The following AKAP9 variants were observed in gnomAD, a reference collection of about 807,000 sequenced individuals.
The protein encoded by AKAP9 is A-kinase anchor protein 9.
In AKAP9, 311 loss-of-function variants were observed where a neutral mutation model predicts 488.5. The observed-to-expected ratio is 0.64, with a 90% confidence interval of 0.58 to 0.70. The LOEUF (loss-of-function observed/expected upper bound fraction) is 0.70, where lower values mean the gene tolerates loss of function less well. Ranked by LOEUF, AKAP9 falls within the 30% of genes least tolerant of loss-of-function variation. The probability of loss-of-function intolerance (pLI) is 0.00; values close to 1 mark genes in which losing one functional copy is unlikely to be tolerated. For synonymous variants in AKAP9, 1,462 were observed against 1,483.5 expected, an observed-to-expected ratio of 0.99 and a Z score of 0.33; for missense variants, 4,215 against 4,374.5, an observed-to-expected ratio of 0.96 and a Z score of 1.03.
At chr7:92,052,247 C>A (rs1457793214) in intron 21 of AKAP9, among the ~76,000 whole-genome samples, 1 of 151,094 alleles carries the variant, frequency 6.6e-6, no homozygotes, top group African/African-American at 2.5e-5. Flanking sequence ...CAGTCTGCTC[C>A]CGAAAAATCC....
At chr7:92,101,452 A>ATGTAGATAGTATT (rs1817514743) in intron 45 of AKAP9, among the ~76,000 whole-genome samples, 1 of 145,140 alleles carries the variant, frequency 6.9e-6, no homozygotes, top group Non-Finnish European at 1.5e-5. Context: ...AAAAAAAAAA[A>ATGTAGATAGTATT]TGTAGATAGT....
intron 28 of AKAP9, among the ~76,000 whole-genome samples, chr7:92,073,152 G>A (rs774138318): frequency 6.6e-6 from 1 of 152,024 alleles, no homozygotes; most frequent in Non-Finnish European, 1.5e-5. Flanking sequence ...GGAATCTACT[G>A]TGTAATTAAG....
chr7:91,950,008 G>A (rs1425829656), intron 1 of AKAP9, among the ~76,000 whole-genome samples: 1 of 151,978 alleles, frequency 6.6e-6, no homozygotes, highest in Non-Finnish European at 1.5e-5. Context: ...TTGTTTTGAT[G>A]ATTCAGAACT....
chr7:92,003,129 T>C lies in AKAP9; in HGVS notation c.3212T>C (p.Ile1071Thr). The change falls in exon 8 of 50, where the codon ATT becomes ACT. Residue 1071 changes from isoleucine (I) to threonine (T), a missense_variant. Ile to Thr is a moderately conservative substitution (Grantham distance 89). Coordinates refer to ENST00000356239, the MANE Select transcript of AKAP9 (RefSeq NM_005751.5). ...VGEESKQEQL[I>T]LDHLPSVTKE... is the part of the protein sequence containing the mutation. ...GAAGAAAGTAAGCAAGAACAGTTGA[T>C]TTTGGATCACTTACCATCTGTAACA... The C allele has an allele frequency of 1.2e-6, 2 of 1,611,250 alleles. No homozygotes were observed. Among genetic ancestry groups the C allele is most frequent in the South Asian group, 2.2e-5 (2 of 90,614 alleles).
Position 92,095,045 on chromosome 7 carries a change from G to A in AKAP9, c.9601G>A (p.Asp3201Asn). The A allele has an allele frequency of 6.2e-7, 1 of 1,614,092 alleles. No individual in the cohort carries two copies. The highest frequency in any genetic ancestry group is 8.5e-7 in the Non-Finnish European group (1 of 1,179,956). ...AFRLEVKDKT[D>N]EVHLLNDTLA... Reference sequence around the variant, plus strand: ...TAGGTTGGAAGTTAAAGATAAGACAGATGAAGTACATTTGCTTAATGACAC... The same window carrying A: ...TAGGTTGGAAGTTAAAGATAAGACAAATGAAGTACATTTGCTTAATGACAC... The change falls in exon 40 of 50, where the codon GAT becomes AAT. Residue 3201 changes from aspartate (D) to asparagine (N), a missense_variant. Around this residue, in one of 5 missense-constraint regions of AKAP9, gnomAD observed 1,476 missense variants for 1,477.4 expected, o/e 1.00. Transcript: ENST00000356239.
chr7:92,025,820 G>A (rs1056210154), intron 14 of AKAP9, among the ~76,000 whole-genome samples: 5 of 152,202 alleles, frequency 3.3e-5, no homozygotes, highest in African/African-American at 1.2e-4. Context: ...ATACCCTGGA[G>A]GTAGAATTAG....
intron 1 of AKAP9, among the ~76,000 whole-genome samples, chr7:91,953,864 G>C (rs1175693356): frequency 1.4e-5 from 2 of 145,950 alleles, no homozygotes; most frequent in Non-Finnish European, 3.0e-5. Flanking sequence ...CTGCCACCAG[G>C]TGGCAGTTAT....
intron 3 of AKAP9, among the ~76,000 whole-genome samples, 162 bp downstream of exon 3, chr7:91,980,495 C>CTTGTTTTT (rs1796257748): frequency 2.1e-5 from 1 of 48,756 alleles, no homozygotes. Flanking sequence ...GTATTACTGA[C>CTTGTTTTT]TTTTTTTTTT....
At chr7:92,100,141 T>C in intron 44 of AKAP9, 1 of 358,970 alleles carries the variant, frequency 2.8e-6, no homozygotes, top group South Asian at 2.8e-5. Context: ...GAAAACTGAA[T>C]TGAAGTCGTA....
At chr7:92,083,702 T>TA (rs34688691) in intron 33 of AKAP9, 47 bp downstream of exon 33, 8,858 of 1,396,434 alleles carry the variant, frequency 6.3e-3, no homozygotes, top group East Asian at 0.013. Flanking sequence ...TGTGGTTTTT[T>TA]AAAAAAAAAA....
At chr7:91,977,773 A>G (rs1795890928) in intron 2 of AKAP9, among the ~76,000 whole-genome samples, 1 of 152,148 alleles carries the variant, frequency 6.6e-6, no homozygotes. Context: ...TCAAAGGTAT[A>G]TTATTTATTT....
chr7:92,077,593 T>C (rs1351234782), intron 29 of AKAP9, 103 bp from the exon 30 acceptor site: 1 of 1,023,068 alleles, frequency 9.8e-7, no homozygotes, highest in Non-Finnish European at 1.5e-6. Flanking sequence ...GTGTCTCTGA[T>C]TTTATTCATT....
In AKAP9 at chr7:92,074,453, G is replaced by A. The variant is rs558453049; in HGVS notation, c.6613-2402G>A. On this transcript the variant is annotated intron_variant, in intron 28 of 49. Transcript: ENST00000356239. ...TTCAACCATTATGGAAGACAGTGTG[G>A]CGATTCCTCAAGGATCTAGAACCAG... Among the ~76,000 whole-genome samples the A allele has an allele frequency of 4.6e-5, 7 of 152,298 alleles. No homozygotes were observed. The East Asian group carries it at 9.6e-4, about 21-fold the overall frequency.
intron 22 of AKAP9, among the ~76,000 whole-genome samples, chr7:92,054,586 T>C (rs1443380199): frequency 6.6e-6 from 1 of 152,068 alleles, no homozygotes. Flanking sequence ...AATTTTTGAA[T>C]ATCAGGGCAC....
chr7:92,108,413 G>C, intron 48 of AKAP9, 81 bp from the exon 49 acceptor site: 1 of 1,438,112 alleles, frequency 7.0e-7, no homozygotes. Context: ...ACCTTTTTGG[G>C]GAAGGGAGTG....
chr7:91,975,800 A>G (rs1795588763), intron 2 of AKAP9, among the ~76,000 whole-genome samples: 1 of 151,352 alleles, frequency 6.6e-6, no homozygotes, highest in Non-Finnish European at 1.5e-5. Context: ...GCTATCCTTT[A>G]TCAGATTGAG....
At chr7:91,976,110 A>G (rs1181258628) in intron 2 of AKAP9, among the ~76,000 whole-genome samples, 1 of 151,836 alleles carries the variant, frequency 6.6e-6, no homozygotes, top group East Asian at 1.9e-4. Flanking sequence ...TTTAGTAGAG[A>G]TGGGGTTTCA....
Position 92,077,727 on chromosome 7 carries a change from A to G in AKAP9, c.6797A>G (p.Lys2266Arg). 6 of 1,613,894 alleles carry G rather than the reference A, an allele frequency of 3.7e-6. No individual in the cohort carries two copies. The highest frequency in any genetic ancestry group is 5.1e-6 in the Non-Finnish European group (6 of 1,179,894). The change falls in exon 30 of 50, where the codon AAG becomes AGG. Residue 2266 changes from lysine (K) to arginine (R), a missense_variant. Physicochemically the swap from Lys to Arg is conservative, Grantham distance 26. This residue lies in a region of AKAP9 where 1,476 missense variants were observed against 1,477.4 expected (regional missense o/e 1.00). Transcript: ENST00000356239. The stretch of plus-strand genomic sequence containing the variant: ...ATGGAGAAACTGGGACTTGCCATAA[A>G]GGAATCTGATGCCATGTCTACTCAA... ...DDMEKLGLAI[K>R]ESDAMSTQDQ... is the part of the protein sequence containing the mutation.
intron 28 of AKAP9, among the ~76,000 whole-genome samples, chr7:92,074,935 A>G (rs1812326535): frequency 6.6e-6 from 1 of 152,170 alleles, no homozygotes; most frequent in Admixed American, 6.5e-5. Flanking sequence ...GGGTGCAGCA[A>G]ACTACAATGG....
Sources: gnomAD v4.1 joint callset for allele counts (sites outside exome capture counted in the v4.1 genomes callset) on GRCh38, gnomAD v4.1.1 for gene constraint, gnomAD v4.1.1 regional missense constraint, MANE v1.5 for transcripts, NCBI Gene and HGNC (gene_info 2026-07-23, HGNC 2026-07-21) for gene names.